Variants in RIPOR2 observed in about 807,000 individuals in gnomAD.
The protein encoded by RIPOR2 is rho family-interacting cell polarization regulator 2.
In RIPOR2, 39 loss-of-function variants were observed where a neutral mutation model predicts 114.5. The ratio of observed to expected loss-of-function variants is 0.34; its 90% CI spans 0.26 to 0.44. The LOEUF (loss-of-function observed/expected upper bound fraction) is 0.44. RIPOR2 is among the 20% of genes least tolerant of loss of function. The pLI is 1.00. For synonymous variants in RIPOR2, 445 were observed against 484.4 expected (o/e 0.92, Z 1.07); for missense variants, 1,007 against 1,255.1 (o/e 0.80, Z 2.99).
rs367783335 is a variant in RIPOR2, at chr6:24,826,496, T to A, written c.2666-1068A>T. ...AGACAAATTTGTGATTTATTTAGAT[T>A]TTTTTTTTTTGCTTAATTTCCTATT... On this transcript the variant is annotated intron_variant, in intron 18 of 21. Coordinates refer to ENST00000643898, the MANE Select transcript of RIPOR2 (RefSeq NM_001286445.3). Among the ~76,000 whole-genome samples the A allele has an allele frequency of 2.8e-3, 391 of 140,056 alleles. 1 individual carries two copies. Among genetic ancestry groups the A allele is most frequent in the African/African-American group, 0.011 (361 of 32,150 alleles). 91.9% of individuals were successfully genotyped at this position (140,056 alleles called of 152,430 possible). A position where few individuals can be genotyped will look rare whatever the true frequency, so the allele number is the denominator to read the frequency against.
Position 24,852,018 on chromosome 6 carries a change from G to A in RIPOR2, c.759+557C>T, listed in dbSNP as rs78619872. 3.9e-5 allele frequency among the ~76,000 whole-genome samples: 5 copies of A among 127,458 alleles called. No homozygotes were observed. In the East Asian group the frequency reaches 9.1e-4, roughly 23 times the overall value. 83.6% of individuals were successfully genotyped at this position (127,458 alleles called of 152,430 possible). ...TGTAATCCCAGCACTTTGGGAGGCC[G>A]AAGGGTGGGCGGGGGGGAATCACTT... On this transcript the variant is annotated intron_variant, in intron 9 of 21. Coordinates refer to ENST00000643898, the MANE Select transcript of RIPOR2 (RefSeq NM_001286445.3).
intron 7 of RIPOR2, among the ~76,000 whole-genome samples, chr6:24,864,205 G>A (rs982676637): frequency 1.3e-5 from 2 of 152,084 alleles, no homozygotes; most frequent in African/African-American, 4.8e-5. Flanking sequence ...TTGGGAAGCT[G>A]AGGCAGGAGA....
chr6:24,842,954 C>T lies in RIPOR2; in HGVS notation c.1765G>A (p.Gly589Arg). Residue 589 changes from glycine (G) to arginine (R), a missense_variant, in exon 13 of 22, where the codon GGG becomes AGG. Gly to Arg is a moderately radical substitution (Grantham distance 125). Coordinates refer to ENST00000643898, the MANE Select transcript of RIPOR2 (RefSeq NM_001286445.3). The stretch of plus-strand genomic sequence containing the variant: ...TGTGGTTCTAATGCAAGTAAAAGCC[C>T]ATTAAAAGCATCCTCTAAGCTTCCA... ...LDGSLEDAFNGLLLALEPHKE... is the reference protein window; with the variant it reads ...LDGSLEDAFNRLLLALEPHKE... The T allele has an allele frequency of 1.3e-6, 2 of 1,530,094 alleles. No homozygotes were observed. The highest frequency in any genetic ancestry group is 8.8e-7 in the Non-Finnish European group (1 of 1,140,206). The allele number at this position is 1,530,094 out of a possible 1,614,324, so 94.8% of individuals were successfully genotyped here.
chr6:24,875,893 A>T (rs1240885142), intron 1 of RIPOR2, 76 bp from the exon 2 acceptor site: 42 of 1,371,270 alleles, frequency 3.1e-5, no homozygotes, highest in Non-Finnish European at 4.1e-5. Flanking sequence ...GTCAACAATG[A>T]TAAAGGATGT....
intron 1 of RIPOR2, among the ~76,000 whole-genome samples, chr6:25,038,004 G>A (rs570189703): frequency 1.9e-3 from 292 of 152,282 alleles, no homozygotes; most frequent in Non-Finnish European, 3.5e-3. Flanking sequence ...ATGTCATAAT[G>A]TCTGATTTAT....
At chr6:24,878,114 T>A (rs1205651822) in intron 1 of RIPOR2, among the ~76,000 whole-genome samples, 2 of 152,178 alleles carry the variant, frequency 1.3e-5, no homozygotes. Flanking sequence ...AGTTAAACTT[T>A]AAAATGGAGA....
At chr6:24,928,132 T>C (rs540796362) in intron 1 of RIPOR2, among the ~76,000 whole-genome samples, 6 of 152,346 alleles carry the variant, frequency 3.9e-5, no homozygotes, top group African/African-American at 9.6e-5. Context: ...TTTTTAGAGA[T>C]GCTTGTGGAG....
rs367588141 is a variant in RIPOR2, at chr6:24,873,802, A to G, written c.189-3T>C. 1.6e-5 allele frequency: 25 copies of G among 1,601,416 alleles called. No individual in the cohort carries two copies. Among genetic ancestry groups the G allele is most frequent in the Middle Eastern group, 1.7e-4 (1 of 6,042 alleles). On this transcript the variant is annotated splice_region_variant and splice_polypyrimidine_tract_variant and intron_variant, in intron 2 of 21. Coordinates refer to ENST00000643898, the MANE Select transcript of RIPOR2 (RefSeq NM_001286445.3). ...AATTTTCAATGAAGGAGTTACACCT[A>G]TGGAAAGAACAGAAGAAATTGTGAG... is the stretch of plus-strand genomic sequence containing the variant.
In RIPOR2 at chr6:24,806,432, G is replaced by A. The variant is rs1172564672; in HGVS notation, c.3085C>T (p.Pro1029Ser). The change falls in exon 22 of 22, where the codon CCT (proline) becomes TCT (serine). Residue 1029 changes from proline to serine, a missense_variant. Pro to Ser is a moderately conservative substitution (Grantham distance 74). Transcript: ENST00000643898. ...CCTCCGACTTTAACACAGTCTCGAG[G>A]AAATTTGTCCAATTGTTCATATGCC... ...RLAYEQLDKF[P>S]RDCVKVGGRH... 6.4e-7 allele frequency: 1 copy of A among 1,551,776 alleles called. No homozygotes were observed. Among genetic ancestry groups the A allele is most frequent in the Non-Finnish European group, 8.7e-7 (1 of 1,146,970 alleles).
intron 1 of RIPOR2, among the ~76,000 whole-genome samples, chr6:24,998,800 G>C (rs1467475990): frequency 1.3e-5 from 2 of 152,172 alleles, no homozygotes; most frequent in African/African-American, 4.8e-5. Flanking sequence ...CCCAAGGTTG[G>C]CCAGGACAGA....
chr6:24,917,585 A>G (rs1431012367), intron 1 of RIPOR2, among the ~76,000 whole-genome samples: 1 of 152,040 alleles, frequency 6.6e-6, no homozygotes, highest in African/African-American at 2.4e-5. Flanking sequence ...GCTGGAGTGC[A>G]ATGGCGCGAT....
chr6:24,839,717 C>G (rs1761466905), intron 13 of RIPOR2: 4 of 1,458,996 alleles, frequency 2.7e-6, no homozygotes, highest in African/African-American at 1.4e-5. Context: ...CTAGTGCTCA[C>G]CCCAAAATAA....
At chr6:24,991,245 T>C (rs1479972098) in intron 1 of RIPOR2, among the ~76,000 whole-genome samples, 6 of 152,244 alleles carry the variant, frequency 3.9e-5, no homozygotes, top group Non-Finnish European at 1.5e-5. Flanking sequence ...GTAAAAACTT[T>C]GTACACTGTA....
intron 1 of RIPOR2, among the ~76,000 whole-genome samples, chr6:24,986,892 C>T (rs1581915887): frequency 6.6e-6 from 1 of 150,950 alleles, no homozygotes; most frequent in East Asian, 1.9e-4. Flanking sequence ...ACATAAAATA[C>T]ACGAACACTA....
chr6:24,918,008 T>C (rs1226749790), intron 1 of RIPOR2, among the ~76,000 whole-genome samples: 8 of 152,244 alleles, frequency 5.3e-5, no homozygotes, highest in African/African-American at 1.9e-4. Context: ...TATCCCATGT[T>C]GCCCCTTTCT....
chr6:24,949,197 G>A (rs1772618301), intron 1 of RIPOR2, among the ~76,000 whole-genome samples: 1 of 152,136 alleles, frequency 6.6e-6, no homozygotes, highest in African/African-American at 2.4e-5. Flanking sequence ...AAACAAGGGT[G>A]TAGACCAAGG....
At chr6:24,971,600 A>G (rs1463061272) in intron 1 of RIPOR2, among the ~76,000 whole-genome samples, 1 of 152,234 alleles carries the variant, frequency 6.6e-6, no homozygotes, top group Non-Finnish European at 1.5e-5. Context: ...TACAAAACAG[A>G]TGAAAGATCT....
intron 1 of RIPOR2, chr6:24,976,520 C>T (rs1481495340): frequency 5.0e-6 from 8 of 1,585,170 alleles, no homozygotes; most frequent in Non-Finnish European, 6.9e-6. Context: ...AGTGACTGCT[C>T]ATCTAATCCA....
chr6:25,028,943 C>T (rs539237844), intron 1 of RIPOR2, among the ~76,000 whole-genome samples: 4 of 152,236 alleles, frequency 2.6e-5, no homozygotes, highest in Admixed American at 2.0e-4. Context: ...GAGAAGGCAC[C>T]ATTGTTCAGT....
Sources: allele counts gnomAD v4.1 joint callset (sites outside exome capture counted in the v4.1 genomes callset), GRCh38; gene constraint gnomAD v4.1.1; transcripts MANE v1.5; gene names NCBI Gene and HGNC (gene_info 2026-07-23, HGNC 2026-07-21).